PPP2R2C: variants seen among roughly 807,000 people sequenced by gnomAD.
PPP2R2C encodes the protein protein phosphatase 2, regulatory subunit B, gamma.
PPP2R2C carries 10 observed loss-of-function variants against 45.3 expected under a neutral mutation model. The observed-to-expected ratio is 0.22, with a 90% CI of 0.14 to 0.37. The LOEUF (loss-of-function observed/expected upper bound fraction) is 0.37. Ranked by LOEUF, PPP2R2C falls within the 10% of genes least tolerant of loss-of-function variation. PPP2R2C has a pLI of 1.00. For missense variants in PPP2R2C, 308 were observed against 619.7 expected, an observed-to-expected ratio of 0.50 and a Z score of 5.34; for synonymous variants, 257 against 245.4, an observed-to-expected ratio of 1.05 and a Z score of -0.44.
intron 1 of PPP2R2C, among the ~76,000 whole-genome samples, chr4:6,455,430 C>A (rs180943339): frequency 6.6e-6 from 1 of 152,138 alleles, no homozygotes; most frequent in African/African-American, 2.4e-5. Flanking sequence ...CCATCTGCAC[C>A]CCCAGCCTTC....
rs1732244801 is a variant in PPP2R2C at position 6,329,628 on chromosome 4, C to T, written c.961-275G>A. ...TTATCGGGGGGCCCACGACCAGGCA[C>T]ACGGCTGACCTCCACCGTGACACAG... On this transcript the variant is annotated intron_variant, in intron 7 of 8. Transcript: ENST00000382599. The surrounding 1 kb of genome is among the most constrained non-coding windows in gnomAD (Gnocchi z 5.8). 7.6e-6 allele frequency among the ~76,000 whole-genome samples: 1 copy of T among 132,058 alleles called. No individual in the cohort carries two copies. The highest frequency in any genetic ancestry group is 1.5e-5 in the Non-Finnish European group (1 of 67,730). The allele number at this position is 132,058 out of a possible 152,430, so 86.6% of individuals were successfully genotyped here. A position where few individuals can be genotyped will look rare whatever the true frequency, so the allele number is the denominator to read the frequency against.
intron 1 of PPP2R2C, among the ~76,000 whole-genome samples, chr4:6,427,779 G>A (rs867393892): frequency 4.6e-5 from 7 of 152,216 alleles, no homozygotes; most frequent in African/African-American, 1.7e-4. Flanking sequence ...TGAACCCCCA[G>A]TCTGAGAGGC....
At chr4:6,360,628 C>T (rs1235306492) in intron 5 of PPP2R2C, among the ~76,000 whole-genome samples, 2 of 152,200 alleles carry the variant, frequency 1.3e-5, no homozygotes, top group Non-Finnish European at 2.9e-5. Flanking sequence ...CCCTAGAAGG[C>T]CTCCCACACA....
intron 1 of PPP2R2C, among the ~76,000 whole-genome samples, chr4:6,411,022 C>T (rs1035598553): frequency 2.6e-5 from 4 of 151,960 alleles, no homozygotes; most frequent in African/African-American, 9.7e-5. Flanking sequence ...AGGCGCATGC[C>T]ACCACACCTG....
chr4:6,364,898 T>C lies in PPP2R2C; in HGVS notation c.625+7625A>G, dbSNP rs755339503. ...TTGGACGATGGGATCACAGGACTCA[T>C]CGAGGCTTGAGCAAGAAGAAGACTA... On this transcript the variant is annotated intron_variant, in intron 5 of 8. Transcript: ENST00000382599. This position sits in a 1 kb window ranked among gnomAD's most constrained non-coding sequence, Gnocchi z 5.3. Among the ~76,000 whole-genome samples, 1 of 152,158 alleles carries C rather than the reference T, an allele frequency of 6.6e-6. No individual in the cohort carries two copies. Among genetic ancestry groups the C allele is most frequent in the Non-Finnish European group, 1.5e-5 (1 of 68,028 alleles).
chr4:6,472,191 G>C lies in PPP2R2C; in HGVS notation c.39C>G (p.Ser13Arg). The change falls in exon 1 of 9, where the codon AGC becomes AGG. Residue 13 changes from serine (S) to arginine (R), a missense_variant. By Grantham distance (110) the Ser-to-Arg change is moderately radical. Coordinates refer to ENST00000382599, the MANE Select transcript of PPP2R2C (RefSeq NM_020416.4). Reference protein sequence around the residue: ...EDTDTRKINHSFLRDHSYVTE... With the variant: ...EDTDTRKINHRFLRDHSYVTE... ...TCACATAGCTGTGGTCCCGCAGGAA[G>C]CTGTGGTTAATTTTCCGCGTGTCCG... 6.2e-7 allele frequency: 1 copy of C among 1,613,514 alleles called. No homozygotes were observed. Among genetic ancestry groups the C allele is most frequent in the Non-Finnish European group, 8.5e-7 (1 of 1,179,552 alleles).
chr4:6,411,524 G>A lies in PPP2R2C; in HGVS notation c.71-30430C>T, dbSNP rs138497372. On this transcript the variant is annotated intron_variant, in intron 1 of 8. Coordinates refer to ENST00000382599, the MANE Select transcript of PPP2R2C (RefSeq NM_020416.4). ...TGGTGCCTCTTAAGTTCTCTAATTT[G>A]TGTCTGTACTCCACCCTGACTTTTC... 9.0e-4 allele frequency among the ~76,000 whole-genome samples: 136 copies of A among 151,052 alleles called. 1 individual carries two copies. In the East Asian group the frequency reaches 0.019, roughly 21 times the overall value.
chr4:6,340,641 G>A (rs957109320), intron 6 of PPP2R2C, among the ~76,000 whole-genome samples: 11 of 152,032 alleles, frequency 7.2e-5, no homozygotes, highest in African/African-American at 1.9e-4. Context: ...GCGCACCAGC[G>A]TCTCTCACCT....
At chr4:6,522,089 C>T (rs1246704087) in intron 2 of PPP2R2C, among the ~76,000 whole-genome samples, 3 of 152,128 alleles carry the variant, frequency 2.0e-5, no homozygotes, top group Non-Finnish European at 4.4e-5. Flanking sequence ...GTGAAATGCA[C>T]CGCTCCTGCC....
At chr4:6,508,216 C>T (rs1257622751) in intron 2 of PPP2R2C, among the ~76,000 whole-genome samples, 3 of 152,136 alleles carry the variant, frequency 2.0e-5, no homozygotes, top group East Asian at 1.9e-4. Flanking sequence ...GATGGTCAGG[C>T]GGTTATTAAA....
intron 1 of PPP2R2C, chr4:6,381,636 G>C: frequency 1.3e-6 from 2 of 1,495,770 alleles, no homozygotes; most frequent in Non-Finnish European, 1.8e-6. Context: ...CCACCTCCAG[G>C]CAGGCCTCTG....
intron 1 of PPP2R2C, among the ~76,000 whole-genome samples, chr4:6,539,156 AG>A (rs1724727560): frequency 6.7e-6 from 1 of 149,774 alleles, no homozygotes; most frequent in Non-Finnish European, 1.5e-5. Flanking sequence ...AAAAAGAGAG[AG>A]AGGGCGGAAA....
intron 2 of PPP2R2C, among the ~76,000 whole-genome samples, chr4:6,499,764 TAA>T (rs554286267): frequency 2.3e-5 from 3 of 131,408 alleles, no homozygotes; most frequent in African/African-American, 2.8e-5. Context: ...CATTGAACCA[TAA>T]AAAAAAAAAA....
intron 5 of PPP2R2C, among the ~76,000 whole-genome samples, chr4:6,358,384 T>A (rs865922547): frequency 1.6e-4 from 24 of 151,722 alleles, no homozygotes; most frequent in Non-Finnish European, 2.9e-5. Context: ...AGAAAAACCA[T>A]AGAAAAAAAT....
At chr4:6,341,352 A>G (rs140025252) in intron 6 of PPP2R2C, among the ~76,000 whole-genome samples, 3,882 of 151,638 alleles carry the variant, frequency 0.026, 165 homozygotes, top group African/African-American at 0.088. Context: ...AAAAAAAAAA[A>G]AAAAAACCCA....
intron 1 of PPP2R2C, among the ~76,000 whole-genome samples, chr4:6,416,891 C>A (rs1444661767): frequency 1.3e-5 from 2 of 152,178 alleles, no homozygotes; most frequent in African/African-American, 2.4e-5. Context: ...CGGGGGGAGA[C>A]TGACTGACGC....
intron 5 of PPP2R2C, among the ~76,000 whole-genome samples, chr4:6,371,681 C>T (rs1429931773): frequency 6.6e-6 from 1 of 152,200 alleles, no homozygotes; most frequent in Non-Finnish European, 1.5e-5. Context: ...AACTTGAGTG[C>T]TCTGTGACTC....
intron 2 of PPP2R2C, among the ~76,000 whole-genome samples, chr4:6,492,381 G>C (rs946883109): frequency 6.6e-6 from 1 of 152,224 alleles, no homozygotes; most frequent in Non-Finnish European, 1.5e-5. Flanking sequence ...AGCCTGTCCA[G>C]GGTCGTGGTG....
At chr4:6,410,139 A>G (rs1034211143) in intron 1 of PPP2R2C, among the ~76,000 whole-genome samples, 3 of 152,212 alleles carry the variant, frequency 2.0e-5, no homozygotes, top group African/African-American at 7.2e-5. Flanking sequence ...CACTCTCTTT[A>G]GAGCCCAAAG....
Sources: gnomAD v4.1 joint callset for allele counts (sites outside exome capture counted in the v4.1 genomes callset) on GRCh38, gnomAD v4.1.1 for gene constraint, Gnocchi (gnomAD v3.1) non-coding constraint, MANE v1.5 for transcripts, NCBI Gene and HGNC (gene_info 2026-07-23, HGNC 2026-07-21) for gene names.